IL1RAPL1: variants seen among roughly 807,000 people sequenced by gnomAD.
IL1RAPL1 encodes the protein interleukin-1 receptor accessory protein-like 1.
IL1RAPL1 carries 3 observed loss-of-function variants against 48.4 expected under a neutral mutation model. That is an observed-to-expected ratio of 0.06 (90% CI 0.03 to 0.16). The LOEUF is 0.16. IL1RAPL1 is among the 10% of genes least tolerant of loss of function. The probability of loss-of-function intolerance (pLI) is 1.00; values close to 1 mark genes in which losing one functional copy is unlikely to be tolerated. For missense variants in IL1RAPL1, 349 were observed against 530.6 expected (o/e 0.66, Z 3.36); for synonymous variants, 185 against 187.7 (o/e 0.99, Z 0.12).
chrX:29,850,804 G>A (rs1326786350), intron 6 of IL1RAPL1, among the ~76,000 whole-genome samples: 1 of 112,129 alleles, frequency 8.9e-6, no homozygotes, highest in Non-Finnish European at 1.9e-5. Flanking sequence ...TCCACTAAAC[G>A]CAGTCTAAGA....
In IL1RAPL1 at chrX:29,557,859, A is replaced by T. The variant is rs185413283; in HGVS notation, c.704-110571A>T. ...CAAATGGCATGATATCCTTTTTTTT[A>T]AAAAAAAATGCTAAATAATATTTTA... On this transcript the variant is annotated intron_variant, in intron 5 of 10. Transcript: ENST00000378993. 4.1e-3 allele frequency among the ~76,000 whole-genome samples: 451 copies of T among 109,665 alleles called. 1 individual carries two copies. The highest frequency in any genetic ancestry group is 0.011 in the African/African-American group (330 of 30,340).
intron 2 of IL1RAPL1, among the ~76,000 whole-genome samples, chrX:28,813,340 T>G (rs1352783268): frequency 9.0e-6 from 1 of 111,502 alleles, no homozygotes; most frequent in Non-Finnish European, 1.9e-5. Context: ...TTGGAGATTT[T>G]CCAGGTATCT....
intron 2 of IL1RAPL1, among the ~76,000 whole-genome samples, chrX:29,079,843 T>G (rs1927761507): frequency 9.0e-6 from 1 of 111,367 alleles, no homozygotes; most frequent in African/African-American, 3.3e-5. Context: ...ATTTGAAAAT[T>G]AAGTCATGAG....
At chrX:29,385,402 C>T (rs957744153) in intron 3 of IL1RAPL1, among the ~76,000 whole-genome samples, 2 of 111,799 alleles carry the variant, frequency 1.8e-5, no homozygotes, top group South Asian at 3.7e-4. Flanking sequence ...TGCGGTGAGC[C>T]GAGATTGTGC....
At chrX:29,152,266 A>G (rs142390010) in intron 2 of IL1RAPL1, among the ~76,000 whole-genome samples, 45 of 111,440 alleles carry the variant, frequency 4.0e-4, no homozygotes, top group Admixed American at 3.7e-3. Context: ...CATGCATAAC[A>G]TGGGATTATG....
chrX:29,013,735 G>A, intron 2 of IL1RAPL1, among the ~76,000 whole-genome samples: 2 of 110,824 alleles, frequency 1.8e-5, no homozygotes, highest in Admixed American at 1.9e-4. Context: ...GGGAGGGAGA[G>A]CATCAAGAAG....
chrX:28,953,044 G>C (rs1924513456), intron 2 of IL1RAPL1, among the ~76,000 whole-genome samples: 1 of 111,123 alleles, frequency 9.0e-6, no homozygotes, highest in Admixed American at 9.7e-5. Context: ...ATTACTCGCT[G>C]TTTAATATTT....
chrX:28,862,365 T>C (rs376856845), intron 2 of IL1RAPL1, among the ~76,000 whole-genome samples: 10 of 112,317 alleles, frequency 8.9e-5, no homozygotes, highest in African/African-American at 2.9e-4. Flanking sequence ...AGAAAAACTT[T>C]AGTTGGATCC....
At chrX:28,748,587 A>G (rs751224346) in intron 1 of IL1RAPL1, among the ~76,000 whole-genome samples, 12 of 112,049 alleles carry the variant, frequency 1.1e-4, no homozygotes, top group Admixed American at 9.5e-4. Context: ...TGAATTACCA[A>G]CAAACAACTT....
At chrX:28,941,626 A>T (rs1475346701) in intron 2 of IL1RAPL1, among the ~76,000 whole-genome samples, 1 of 111,176 alleles carries the variant, frequency 9.0e-6, no homozygotes, top group East Asian at 2.8e-4. Context: ...TTCTTCAAAG[A>T]TGCAAGCTTA....
chrX:29,941,836 ATTTC>A, intron 9 of IL1RAPL1, 42 bp downstream of exon 9: 3 of 1,163,076 alleles, frequency 2.6e-6, no homozygotes, highest in Non-Finnish European at 3.5e-6. Flanking sequence ...GAATGTTCTA[ATTTC>A]TTTCTTGTCT....
chrX:28,669,645 A>T (rs987601946), intron 1 of IL1RAPL1, among the ~76,000 whole-genome samples: 1 of 102,925 alleles, frequency 9.7e-6, no homozygotes, highest in Non-Finnish European at 1.9e-5. Context: ...TATATATATA[A>T]CTTATATATA....
At chrX:28,843,075 C>CT (rs1172617144) in intron 2 of IL1RAPL1, among the ~76,000 whole-genome samples, 2 of 110,181 alleles carry the variant, frequency 1.8e-5, no homozygotes, top group African/African-American at 3.3e-5. Flanking sequence ...TAAAATTTCC[C>CT]TTTTTTTCTG....
chrX:28,717,399 A>G (rs1569157283), intron 1 of IL1RAPL1, among the ~76,000 whole-genome samples: 1 of 111,948 alleles, frequency 8.9e-6, no homozygotes. Context: ...ACACAGGAAC[A>G]GAAAACCAAA....
intron 5 of IL1RAPL1, among the ~76,000 whole-genome samples, chrX:29,617,033 G>A (rs1924310363): frequency 9.0e-6 from 1 of 111,133 alleles, no homozygotes; most frequent in Non-Finnish European, 1.9e-5. Context: ...GGAGCCTCCA[G>A]TCCAAGCAAC....
At chrX:28,704,418 ACAAACAC>A (rs1935339880) in intron 1 of IL1RAPL1, among the ~76,000 whole-genome samples, 1 of 64,411 alleles carries the variant, frequency 1.6e-5, no homozygotes, top group Admixed American at 2.1e-4. Context: ...TTTAAAACAC[ACAAACAC>A]ACACACACAC....
At chrX:29,738,298 A>G (rs1045543667) in intron 6 of IL1RAPL1, among the ~76,000 whole-genome samples, 1 of 111,361 alleles carries the variant, frequency 9.0e-6, no homozygotes, top group Non-Finnish European at 1.9e-5. Flanking sequence ...TCAGCAGAAC[A>G]TAGAGAAGTC....
intron 2 of IL1RAPL1, among the ~76,000 whole-genome samples, chrX:29,275,741 C>T (rs1263707949): frequency 8.9e-6 from 1 of 111,932 alleles, no homozygotes; most frequent in Non-Finnish European, 1.9e-5. Context: ...TCTGTTCCCA[C>T]TTATAGATGA....
chrX:28,831,971 ATTT>A (rs1210913963), intron 2 of IL1RAPL1, among the ~76,000 whole-genome samples: 1 of 111,128 alleles, frequency 9.0e-6, no homozygotes, highest in Non-Finnish European at 1.9e-5. Context: ...TTTTATTATT[ATTT>A]TATATTGATA....
Sources: gnomAD v4.1 joint callset for allele counts (sites outside exome capture counted in the v4.1 genomes callset) on GRCh38, gnomAD v4.1.1 for gene constraint, MANE v1.5 for transcripts, NCBI Gene and HGNC (gene_info 2026-07-23, HGNC 2026-07-21) for gene names.